SMAD9: variants seen among roughly 807,000 people sequenced by gnomAD.
The protein encoded by SMAD9 is MAD homolog 9.
A neutral mutation model predicts 46.1 loss-of-function variants in SMAD9; 36 were observed. The observed-to-expected ratio is 0.78, with a 90% CI of 0.60 to 1.03. SMAD9 has a LOEUF of 1.03. SMAD9 is among the 50% of genes least tolerant of loss of function. SMAD9 has a pLI of 0.00. For missense variants in SMAD9, 572 were observed against 599.8 expected (o/e 0.95, Z 0.48); for synonymous variants, 245 against 237.1 (o/e 1.03, Z -0.31).
chr13:36,872,802 T>G lies in SMAD9; in HGVS notation c.526A>C (p.Thr176Pro). The change falls in exon 3 of 7, where the codon ACC becomes CCC. Residue 176 changes from threonine (T) to proline (P), a missense_variant. By Grantham distance (38) the Thr-to-Pro change is conservative (BLOSUM62 -1). Transcript: ENST00000379826. ...HSEPLMPHNA[T>P]YPDSFQQPPC... Reference sequence around the variant, plus strand: ...GGCTGCTGGAAAGAGTCAGGATAGGTGGCGTTGTGTGGCATGAGTGGCTCA... The same window carrying G: ...GGCTGCTGGAAAGAGTCAGGATAGGGGGCGTTGTGTGGCATGAGTGGCTCA... 1 of 1,613,824 alleles carries G rather than the reference T, an allele frequency of 6.2e-7. No homozygotes were observed. Among genetic ancestry groups the G allele is most frequent in the Non-Finnish European group, 8.5e-7 (1 of 1,179,958 alleles).
At chr13:36,906,284 A>C (rs2058619469) in intron 1 of SMAD9, among the ~76,000 whole-genome samples, 1 of 152,132 alleles carries the variant, frequency 6.6e-6, no homozygotes, top group Non-Finnish European at 1.5e-5. Flanking sequence ...AAAAACAGGA[A>C]ATTTTAAAAA....
chr13:36,855,074 G>A (rs1049236367), intron 5 of SMAD9, among the ~76,000 whole-genome samples: 2 of 151,894 alleles, frequency 1.3e-5, no homozygotes, highest in African/African-American at 4.8e-5. Context: ...GAGATCAGGA[G>A]CTCAAGTCTG....
intron 1 of SMAD9, among the ~76,000 whole-genome samples, chr13:36,900,967 T>C (rs1237341635): frequency 1.3e-5 from 2 of 152,154 alleles, no homozygotes; most frequent in Non-Finnish European, 2.9e-5. Context: ...CAACCACCAA[T>C]CTGCATTCTG....
At chr13:36,920,819 G>A (rs2058739749), upstream of SMAD9, 1 of 152,312 alleles carries the variant, frequency 6.6e-6, no homozygotes, top group African/African-American at 2.4e-5. Flanking sequence ...CGGAGTAAGG[G>A]GATCCTGTCC....
Position 36,845,224 on chromosome 13 carries a change from T to G in SMAD9, c.*3452A>C, listed in dbSNP as rs757620243. ...AATGTTTTTGTTGCTGTTTTGTTGCTGTTATGGGAACATCCATATCCTTAG... is the reference window on the plus strand; with the variant it reads ...AATGTTTTTGTTGCTGTTTTGTTGCGGTTATGGGAACATCCATATCCTTAG... On this transcript the variant is annotated 3_prime_UTR_variant, in exon 7 of 7. Transcript: ENST00000379826. 4 of 152,116 alleles carry G rather than the reference T, an allele frequency of 2.6e-5. No homozygotes were observed. The highest frequency in any genetic ancestry group is 5.9e-5 in the Non-Finnish European group (4 of 68,028). The allele number at this position is 152,116 out of a possible 1,614,324, so 9.4% of individuals were successfully genotyped here. A position where few individuals can be genotyped will look rare whatever the true frequency, so the allele number is the denominator to read the frequency against.
intron 1 of SMAD9, among the ~76,000 whole-genome samples, chr13:36,896,506 C>A (rs574219737): frequency 1.3e-5 from 2 of 152,210 alleles, no homozygotes; most frequent in African/African-American, 4.8e-5. Flanking sequence ...CCAGACCTCC[C>A]AAATCTCTTC....
chr13:36,888,449 G>A (rs764669678), intron 1 of SMAD9, among the ~76,000 whole-genome samples: 2 of 152,062 alleles, frequency 1.3e-5, no homozygotes, highest in Non-Finnish European at 2.9e-5. Flanking sequence ...AACCTCTTTT[G>A]TTTATAAAGT....
Position 36,895,046 on chromosome 13 carries a change from G to A in SMAD9, c.-186-15171C>T, listed in dbSNP as rs80150140. Among the ~76,000 whole-genome samples, 345 of 152,154 alleles carry A rather than the reference G, an allele frequency of 2.3e-3. 1 individual carries two copies. Among genetic ancestry groups the A allele is most frequent in the African/African-American group, 7.8e-3 (325 of 41,498 alleles). ...TTACTTAGCACTCACCTCAATCTCC[G>A]GCAGTCAGTTCCAGCCAGCACCTGT... On this transcript the variant is annotated intron_variant, in intron 1 of 6. Transcript: ENST00000379826.
chr13:36,909,788 G>A (rs2058645775), intron 1 of SMAD9, among the ~76,000 whole-genome samples: 2 of 152,324 alleles, frequency 1.3e-5, no homozygotes, highest in South Asian at 2.1e-4. Flanking sequence ...GGATGTGAGA[G>A]AAAGCAGTTT....
At chr13:36,860,839 G>C (rs2058174639) in intron 5 of SMAD9, among the ~76,000 whole-genome samples, 1 of 152,084 alleles carries the variant, frequency 6.6e-6, no homozygotes, top group African/African-American at 2.4e-5. Context: ...TCATTGTAGA[G>C]AGTTCAAGTG....
At chr13:36,887,174 T>C (rs201969579) in intron 1 of SMAD9, among the ~76,000 whole-genome samples, 1 of 147,734 alleles carries the variant, frequency 6.8e-6, no homozygotes, top group Non-Finnish European at 1.5e-5. Flanking sequence ...CCAGTTTGAA[T>C]GGGTTTGAAA....
In SMAD9 at chr13:36,879,547, T is replaced by C; in HGVS notation, c.143A>G (p.Lys48Arg). The C allele has an allele frequency of 3.1e-6, 5 of 1,614,230 alleles. No individual in the cohort carries two copies. Among genetic ancestry groups the C allele is most frequent in the Non-Finnish European group, 2.5e-6 (3 of 1,180,034 alleles). The change falls in exon 2 of 7, where the codon AAG (lysine) becomes AGG (arginine). Residue 48 changes from lysine to arginine, a missense_variant. Physicochemically the swap from Lys to Arg is conservative, Grantham distance 26. Coordinates refer to ENST00000379826, the MANE Select transcript of SMAD9 (RefSeq NM_001127217.3). ...CTCCAGCTCGTCCATGGCTCCCTTC[T>C]TCTTCTTTAACTTCTTCACTAGAGA... is the stretch of plus-strand genomic sequence containing the variant. ...VDSLVKKLKK[K>R]KGAMDELERA... is the part of the protein sequence containing the mutation.
intron 1 of SMAD9, among the ~76,000 whole-genome samples, chr13:36,919,343 G>A (rs1241825300): frequency 6.6e-6 from 1 of 151,836 alleles, no homozygotes; most frequent in Non-Finnish European, 1.5e-5. Flanking sequence ...TTCCCACCTC[G>A]CCCCCTCCCC....
chr13:36,884,271 C>T (rs1459148519), intron 1 of SMAD9, among the ~76,000 whole-genome samples: 2 of 152,170 alleles, frequency 1.3e-5, no homozygotes, highest in African/African-American at 4.8e-5. Context: ...AAAGCATATA[C>T]TGGGCGTTCC....
chr13:36,916,693 A>G (rs1430562860), intron 1 of SMAD9, among the ~76,000 whole-genome samples: 1 of 152,086 alleles, frequency 6.6e-6, no homozygotes, highest in Non-Finnish European at 1.5e-5. Context: ...TGAGGGGAAG[A>G]AATAAATTAG....
intron 5 of SMAD9, among the ~76,000 whole-genome samples, chr13:36,854,160 AAAAAATAAATAAAT>A (rs1225046318): frequency 6.6e-6 from 1 of 152,072 alleles, no homozygotes; most frequent in Non-Finnish European, 1.5e-5. Context: ...TGTCATCTCA[AAAAAATAAATAAAT>A]AAAAATAAAA....
In SMAD9 at chr13:36,879,555, T is replaced by C. The variant is rs537891440; in HGVS notation, c.135A>G (p.Leu45=). 2.4e-5 allele frequency: 39 copies of C among 1,614,092 alleles called. No homozygotes were observed. The highest frequency in any genetic ancestry group is 3.2e-5 in the Non-Finnish European group (38 of 1,180,020). The change falls in exon 2 of 7, where the codon TTA becomes TTG. Residue 45 remains leucine (L), a synonymous_variant. Transcript: ENST00000379826. ...EKAVDSLVKK[L]KKKKGAMDEL... ...CGTCCATGGCTCCCTTCTTCTTCTT[T>C]AACTTCTTCACTAGAGAGTCCACTG...
intron 1 of SMAD9, among the ~76,000 whole-genome samples, chr13:36,894,890 C>T (rs987771927): frequency 6.6e-6 from 1 of 152,142 alleles, no homozygotes; most frequent in Admixed American, 6.5e-5. Flanking sequence ...AAACATCTCA[C>T]ACCCCAAGAA....
intron 1 of SMAD9, among the ~76,000 whole-genome samples, chr13:36,880,301 C>T (rs535459016): frequency 6.6e-6 from 1 of 152,302 alleles, no homozygotes; most frequent in South Asian, 2.1e-4. Flanking sequence ...CCAAACACAG[C>T]TCTTATCATT....
Sources: gnomAD v4.1 joint callset for allele counts (sites outside exome capture counted in the v4.1 genomes callset) on GRCh38, gnomAD v4.1.1 for gene constraint, MANE v1.5 for transcripts, NCBI Gene and HGNC (gene_info 2026-07-23, HGNC 2026-07-21) for gene names.